Variants in MRPL39 observed in about 807,000 individuals in gnomAD.
MRPL39 encodes mitochondrial ribosomal protein L39.
Under a neutral mutation model 44.5 loss-of-function variants are expected in MRPL39, and 35 were observed. That is an observed-to-expected ratio of 0.79 (90% CI 0.60 to 1.04). The LOEUF (loss-of-function observed/expected upper bound fraction) is 1.04, where lower values mean the gene tolerates loss of function less well. Among genes scored for constraint, MRPL39 ranks in the 50% least tolerant of loss-of-function variants. The pLI, the probability that MRPL39 is intolerant of heterozygous loss-of-function variation, is 0.00. For synonymous variants in MRPL39, 139 were observed against 136.1 expected, an observed-to-expected ratio of 1.02 and a Z score of -0.15; for missense variants, 433 against 413.5, an observed-to-expected ratio of 1.05 and a Z score of -0.41.
intron 6 of MRPL39, among the ~76,000 whole-genome samples, chr21:25,594,345 G>A (rs542354027): frequency 1.3e-5 from 2 of 148,734 alleles, no homozygotes; most frequent in Non-Finnish European, 3.0e-5. Flanking sequence ...CTCAAACTTC[G>A]GGCTCAAGCG....
intron 6 of MRPL39, among the ~76,000 whole-genome samples, chr21:25,595,680 A>G (rs1004415707): frequency 1.9e-5 from 2 of 106,276 alleles, no homozygotes; most frequent in Non-Finnish European, 4.5e-5. Flanking sequence ...TAACATCAAT[A>G]TTTTAATATT....
At chr21:25,607,625 G>T, upstream of MRPL39, 1 of 762,474 alleles carries the variant, frequency 1.3e-6, no homozygotes, top group Admixed American at 2.7e-5. Context: ...CCTCGCTGGG[G>T]ATTCAGTGGC....
chr21:25,595,386 AC>A (rs1457516089), intron 6 of MRPL39, among the ~76,000 whole-genome samples: 1 of 152,184 alleles, frequency 6.6e-6, no homozygotes, highest in Non-Finnish European at 1.5e-5. Context: ...TCAATCACTG[AC>A]CCACCTTCAA....
intron 6 of MRPL39, among the ~76,000 whole-genome samples, chr21:25,594,445 C>A (rs1340731526): frequency 6.6e-6 from 1 of 151,460 alleles, no homozygotes; most frequent in South Asian, 2.1e-4. Flanking sequence ...TAGGGTCTTG[C>A]CATGTTGCTC....
chr21:25,590,793 A>G (rs1434295041), intron 8 of MRPL39, among the ~76,000 whole-genome samples: 2 of 152,178 alleles, frequency 1.3e-5, no homozygotes, highest in Non-Finnish European at 2.9e-5. Flanking sequence ...TTAAATGGAA[A>G]CTCAAAGAGA....
chr21:25,596,127 C>G (rs1240641985), intron 6 of MRPL39, among the ~76,000 whole-genome samples: 3 of 149,960 alleles, frequency 2.0e-5, no homozygotes, highest in African/African-American at 7.4e-5. Flanking sequence ...GAGACGGAGT[C>G]TCGCTCTTTC....
In MRPL39 at chr21:25,603,915, T is replaced by C. The variant is rs1402896717; in HGVS notation, c.301A>G (p.Arg101Gly). The C allele has an allele frequency of 2.5e-6, 4 of 1,609,472 alleles. No individual in the cohort carries two copies. The highest frequency in any genetic ancestry group is 3.4e-6 in the Non-Finnish European group (4 of 1,178,826). The stretch of plus-strand genomic sequence containing the variant: ...TCCACCAGAGCCAGAATGGACTTCC[T>C]GCAATACCACTCGCTTAAATCTAGA... ...CAMHLSEWYCRKSILALVDGQ... is the reference protein window; with the variant it reads ...CAMHLSEWYCGKSILALVDGQ... The change falls in exon 3 of 10, where the codon AGG (arginine) becomes GGG (glycine). Residue 101 changes from arginine to glycine, a missense_variant. Coordinates refer to ENST00000352957, the MANE Select transcript of MRPL39 (RefSeq NM_017446.4).
intron 5 of MRPL39, among the ~76,000 whole-genome samples, chr21:25,599,031 A>G (rs1026027447): frequency 5.3e-5 from 8 of 152,186 alleles, no homozygotes; most frequent in African/African-American, 1.9e-4. Flanking sequence ...CATAGGACAT[A>G]TAGTTTTGTT....
At chr21:25,588,792 T>C in intron 9 of MRPL39, 43 bp downstream of exon 9, 1 of 1,541,548 alleles carries the variant, frequency 6.5e-7, no homozygotes, top group Non-Finnish European at 8.9e-7. Flanking sequence ...TTTTGATGAA[T>C]TTCTTTATAG....
chr21:25,589,572 C>T (rs551053648), intron 8 of MRPL39, among the ~76,000 whole-genome samples: 1 of 152,122 alleles, frequency 6.6e-6, no homozygotes, highest in Non-Finnish European at 1.5e-5. Flanking sequence ...AACTCAATTT[C>T]CTTAGTCCAT....
At chr21:25,594,525 C>T (rs113113193) in intron 6 of MRPL39, among the ~76,000 whole-genome samples, 1 of 151,894 alleles carries the variant, frequency 6.6e-6, no homozygotes, top group Non-Finnish European at 1.5e-5. Flanking sequence ...GGGATTATAG[C>T]GATGAACCAC....
intron 3 of MRPL39, among the ~76,000 whole-genome samples, chr21:25,603,593 A>G (rs725494): frequency 0.79 from 119,434 of 152,100 alleles, 47,085 homozygotes; most frequent in Non-Finnish European, 0.82. Flanking sequence ...AAGACATAGC[A>G]TACAAAAATA....
chr21:25,606,401 A>G (rs780997485), intron 2 of MRPL39, 48 bp downstream of exon 2: 2 of 1,474,160 alleles, frequency 1.4e-6, no homozygotes, highest in African/African-American at 2.8e-5. Context: ...GTGCTTCCAC[A>G]CAGCTTAAGT....
intron 8 of MRPL39, among the ~76,000 whole-genome samples, chr21:25,589,456 C>T (rs1023545821): frequency 1.3e-5 from 2 of 148,626 alleles, no homozygotes; most frequent in African/African-American, 2.5e-5. Flanking sequence ...TTCACTCTGT[C>T]GCCCAGGCTG....
At chr21:25,593,064 T>A in intron 7 of MRPL39, 99 bp from the exon 8 acceptor site, 1 of 1,073,596 alleles carries the variant, frequency 9.3e-7, no homozygotes, top group Non-Finnish European at 1.3e-6. Flanking sequence ...CTAACATCCC[T>A]AATCAAGAAC....
intron 3 of MRPL39, 115 bp from the exon 4 acceptor site, chr21:25,601,582 C>A (rs2031526449): frequency 1.6e-6 from 1 of 613,736 alleles, no homozygotes; most frequent in Non-Finnish European, 2.5e-6. Context: ...TCTCATATAT[C>A]TCTGTTCACA....
At chr21:25,604,146 T>C (rs924893545) in intron 2 of MRPL39, among the ~76,000 whole-genome samples, 3 of 151,026 alleles carry the variant, frequency 2.0e-5, no homozygotes, top group African/African-American at 7.3e-5. Flanking sequence ...GTAATCCCAG[T>C]TATTTGGGAG....
rs193222109 is a variant in MRPL39, at chr21:25,592,804, T to G, written c.921+8A>C. ...ATTGGAAGACCTAGAACTTTAAGCT[T>G]TACTTACTCTTAAGTGAACAGGTAA... On this transcript the variant is annotated splice_region_variant and intron_variant, in intron 8 of 9. Transcript: ENST00000352957. 1 of 1,586,420 alleles carries G rather than the reference T, an allele frequency of 6.3e-7. No individual in the cohort carries two copies. The highest frequency in any genetic ancestry group is 1.7e-5 in the Admixed American group (1 of 57,352).
At chr21:25,596,474 T>C (rs1362258933) in intron 6 of MRPL39, among the ~76,000 whole-genome samples, 1 of 152,230 alleles carries the variant, frequency 6.6e-6, no homozygotes, top group Non-Finnish European at 1.5e-5. Flanking sequence ...ATTAACATCC[T>C]ATAGAAGAAT....
Sources: gnomAD v4.1 joint callset for allele counts (sites outside exome capture counted in the v4.1 genomes callset) on GRCh38, gnomAD v4.1.1 for gene constraint, MANE v1.5 for transcripts, NCBI Gene and HGNC (gene_info 2026-07-23, HGNC 2026-07-21) for gene names.